APCDD1L: variants seen among roughly 807,000 people sequenced by gnomAD.
APCDD1L encodes the protein protein APCDD1-like.
Under a neutral mutation model 24.2 loss-of-function variants are expected in APCDD1L, and 21 were observed. That is an observed-to-expected ratio of 0.87 (90% CI 0.61 to 1.25). The LOEUF (loss-of-function observed/expected upper bound fraction) is 1.25. Ranked by LOEUF, APCDD1L falls within the 50% of genes most tolerant of loss-of-function variation. The pLI is 0.00. For synonymous variants in APCDD1L, 321 were observed against 323.6 expected (o/e 0.99, Z 0.09); for missense variants, 704 against 711.7 (o/e 0.99, Z 0.12).
intron 1 of APCDD1L, among the ~76,000 whole-genome samples, chr20:58,503,326 G>A (rs1004769513): frequency 4.6e-5 from 7 of 152,208 alleles, no homozygotes; most frequent in Non-Finnish European, 7.3e-5. Flanking sequence ...CTTAATTTCA[G>A]TCTGTGGTTT....
chr20:58,507,545 C>A (rs1457641875), intron 1 of APCDD1L, among the ~76,000 whole-genome samples: 3 of 151,980 alleles, frequency 2.0e-5, no homozygotes, highest in Non-Finnish European at 1.5e-5. Context: ...ACACACACAC[C>A]CCGACACACA....
intron 1 of APCDD1L, among the ~76,000 whole-genome samples, chr20:58,504,217 G>A (rs1444062745): frequency 6.6e-6 from 1 of 152,170 alleles, no homozygotes; most frequent in East Asian, 1.9e-4. Flanking sequence ...TCAACAAGTA[G>A]CCCAATGCAT....
At chr20:58,491,352 A>C (rs1990221791) in intron 1 of APCDD1L, among the ~76,000 whole-genome samples, 1 of 152,242 alleles carries the variant, frequency 6.6e-6, no homozygotes. Flanking sequence ...TTGTCTATGT[A>C]AAAACTCAAA....
intron 1 of APCDD1L, among the ~76,000 whole-genome samples, chr20:58,500,006 C>T (rs558515967): frequency 4.6e-5 from 7 of 152,246 alleles, no homozygotes; most frequent in African/African-American, 1.7e-4. Context: ...TTTAAAAAAA[C>T]ACATGTAAAT....
chr20:58,507,677 G>C (rs1038306302), intron 1 of APCDD1L, among the ~76,000 whole-genome samples: 1 of 152,178 alleles, frequency 6.6e-6, no homozygotes, highest in Admixed American at 6.5e-5. Flanking sequence ...TGAAAGAGAA[G>C]AGAAACAGCA....
chr20:58,486,589 A>T (rs1318168155), intron 1 of APCDD1L, among the ~76,000 whole-genome samples: 1 of 152,186 alleles, frequency 6.6e-6, no homozygotes, highest in African/African-American at 2.4e-5. Context: ...AAGTGATAAA[A>T]GACACCAAAC....
rs142703415 is a variant in APCDD1L at position 58,490,293 on chromosome 20, T to A, written c.50-19546A>T. Among the ~76,000 whole-genome samples, 488 of 152,322 alleles carry A rather than the reference T, an allele frequency of 3.2e-3. 3 individuals are homozygous for A. The highest frequency in any genetic ancestry group is 0.011 in the African/African-American group (470 of 41,576). ...TATAAGCTATGAGATTTACAACAAC[T>A]TTCCCTAGACCAGCTTCTGGTTCTG... On this transcript the variant is annotated intron_variant, in intron 1 of 3. Transcript: ENST00000371149.
chr20:58,506,513 C>T (rs1184631333), intron 1 of APCDD1L, among the ~76,000 whole-genome samples: 1 of 152,120 alleles, frequency 6.6e-6, no homozygotes, highest in African/African-American at 2.4e-5. Flanking sequence ...CTCAAGCAGC[C>T]CCATGGGTTA....
At position 58,497,312 on chromosome 20, in the gene APCDD1L, G is replaced by T. The variant is rs1023293100; in HGVS notation, c.49+17347C>A. On this transcript the variant is annotated intron_variant, in intron 1 of 3. Coordinates refer to ENST00000371149, the MANE Select transcript of APCDD1L (RefSeq NM_153360.3). This position sits in a 1 kb window ranked among gnomAD's most constrained non-coding sequence, Gnocchi z 4.3. ...TGGCCACAGCTGCCCTGGAAAGTGG[G>T]TTCTCCCTGGGGGAGTCTCCCTGCC... Among the ~76,000 whole-genome samples, 2 of 152,084 alleles carry T rather than the reference G, an allele frequency of 1.3e-5. No homozygotes were observed. Among genetic ancestry groups the T allele is most frequent in the African/African-American group, 2.4e-5 (1 of 41,402 alleles).
chr20:58,465,163 G>T (rs750086337), intron 3 of APCDD1L, among the ~76,000 whole-genome samples: 7 of 152,158 alleles, frequency 4.6e-5, no homozygotes, highest in African/African-American at 7.2e-5. Flanking sequence ...TCAACTCACC[G>T]CTAGCGCCTT....
intron 1 of APCDD1L, among the ~76,000 whole-genome samples, chr20:58,480,989 C>T (rs973560288): frequency 5.3e-5 from 8 of 152,312 alleles, no homozygotes; most frequent in African/African-American, 1.4e-4. Context: ...TTAGCACCTG[C>T]GTTCCCAGCT....
chr20:58,462,014 A>C, intron 3 of APCDD1L: 1 of 159,284 alleles, frequency 6.3e-6, no homozygotes, highest in Non-Finnish European at 1.4e-5. Context: ...AAGCCCTAGA[A>C]AGCCGGGACT....
rs1989602407 is a variant in APCDD1L, at chr20:58,461,385, A to G, written c.911T>C (p.Phe304Ser). The G allele has an allele frequency of 1.3e-6, 2 of 1,559,432 alleles. No homozygotes were observed. Among genetic ancestry groups the G allele is most frequent in the Non-Finnish European group, 1.7e-6 (2 of 1,148,160 alleles). Residue 304 changes from phenylalanine (F) to serine (S), a missense_variant, in exon 4 of 4, where the codon TTC becomes TCC. By Grantham distance (155) the Phe-to-Ser change is radical (BLOSUM62 -2). Coordinates refer to ENST00000371149, the MANE Select transcript of APCDD1L (RefSeq NM_153360.3). This position sits in a 1 kb window ranked among gnomAD's most constrained non-coding sequence, Gnocchi z 6.0. ...AVLFLTRLFT[F>S]HGHSRSWEGY... ...TTCCCAGGAGCGGCTGTGCCCGTGG[A>G]AAGTGAAGAGCCGGGTGAGGAACAG...
intron 1 of APCDD1L, among the ~76,000 whole-genome samples, chr20:58,495,129 G>A (rs1990296802): frequency 6.6e-6 from 1 of 152,160 alleles, no homozygotes; most frequent in South Asian, 2.1e-4. Context: ...GGAGGGCTGA[G>A]GACACCTCTG....
intron 1 of APCDD1L, among the ~76,000 whole-genome samples, chr20:58,500,708 C>T (rs1185293005): frequency 1.3e-5 from 2 of 152,198 alleles, no homozygotes; most frequent in Non-Finnish European, 2.9e-5. Context: ...CTCACCACAG[C>T]CACCCACGCT....
intron 1 of APCDD1L, among the ~76,000 whole-genome samples, chr20:58,492,131 A>G (rs544987220): frequency 4.1e-4 from 63 of 152,402 alleles, no homozygotes; most frequent in African/African-American, 1.5e-3. Flanking sequence ...GTAGAAGAAT[A>G]TCTTATGACC....
At chr20:58,487,055 T>C (rs1258989282) in intron 1 of APCDD1L, among the ~76,000 whole-genome samples, 1 of 151,894 alleles carries the variant, frequency 6.6e-6, no homozygotes, top group East Asian at 1.9e-4. Flanking sequence ...AGAGACGAGG[T>C]TTCACCATGT....
chr20:58,483,358 AG>A (rs1176251057), intron 1 of APCDD1L, among the ~76,000 whole-genome samples: 1 of 150,962 alleles, frequency 6.6e-6, no homozygotes, highest in Non-Finnish European at 1.5e-5. Context: ...GGGTGAGATC[AG>A]GTGTATGCTT....
chr20:58,487,109 C>T (rs1235054969), intron 1 of APCDD1L, among the ~76,000 whole-genome samples: 2 of 151,454 alleles, frequency 1.3e-5, no homozygotes, highest in Non-Finnish European at 2.9e-5. Context: ...AAATAACAAG[C>T]AAAGAATTGG....
Sources: gnomAD v4.1 joint callset for allele counts (sites outside exome capture counted in the v4.1 genomes callset) on GRCh38, gnomAD v4.1.1 for gene constraint, Gnocchi (gnomAD v3.1) non-coding constraint, MANE v1.5 for transcripts, NCBI Gene and HGNC (gene_info 2026-07-23, HGNC 2026-07-21) for gene names.